PLD1: variants seen among roughly 807,000 people sequenced by gnomAD.
The protein encoded by PLD1 is phospholipase D1, also known as choline phosphatase 1.
PLD1 carries 112 observed loss-of-function variants against 137.1 expected under a neutral mutation model. The observed-to-expected ratio is 0.82, with a 90% CI of 0.70 to 0.96. The LOEUF is 0.96. Ranked by LOEUF, PLD1 falls within the 40% of genes least tolerant of loss-of-function variation. The pLI is 0.00. For synonymous variants in PLD1, 431 were observed against 454.7 expected (o/e 0.95, Z 0.66); for missense variants, 1,321 against 1,342.0 (o/e 0.98, Z 0.24).
chr3:171,763,285 G>A (rs979568854), intron 1 of PLD1, among the ~76,000 whole-genome samples: 15 of 151,516 alleles, frequency 9.9e-5, no homozygotes, highest in Non-Finnish European at 1.9e-4. Flanking sequence ...GACCAGGCAT[G>A]GTGGCTCACA....
rs1429695279 is a variant in PLD1 at position 171,602,989 on chromosome 3, G to C, written c.*89C>G. 1.3e-5 allele frequency: 12 copies of C among 925,412 alleles called. No individual in the cohort carries two copies. The highest frequency in any genetic ancestry group is 2.6e-4 in the Middle Eastern group (1 of 3,876). 57.3% of individuals were successfully genotyped at this position (925,412 alleles called of 1,614,324 possible). A position where few individuals can be genotyped will look rare whatever the true frequency, so the allele number is the denominator to read the frequency against. The stretch of plus-strand genomic sequence containing the variant: ...TGGGTTGGATACGAGAATGCGTCAG[G>C]CCTGGCTTTGGCTATGACATCCCCA... On this transcript the variant is annotated 3_prime_UTR_variant, in exon 27 of 27. Transcript: ENST00000351298.
chr3:171,695,128 G>T (rs931605449), intron 12 of PLD1, among the ~76,000 whole-genome samples: 1 of 152,094 alleles, frequency 6.6e-6, no homozygotes, highest in South Asian at 2.1e-4. Flanking sequence ...GGGCAAAGGC[G>T]AATGAATCAT....
intron 16 of PLD1, among the ~76,000 whole-genome samples, chr3:171,685,009 C>G (rs1030217193): frequency 6.6e-6 from 1 of 152,212 alleles, no homozygotes; most frequent in Non-Finnish European, 1.5e-5. Flanking sequence ...TAAAATGCAG[C>G]GTAGCTGGAC....
intron 21 of PLD1, among the ~76,000 whole-genome samples, chr3:171,650,984 T>C (rs777621838): frequency 2.2e-4 from 33 of 152,310 alleles, no homozygotes; most frequent in Middle Eastern, 3.4e-3. Context: ...GAATGTACCA[T>C]GTAGATGGGT....
chr3:171,687,156 T>C (rs546374559), intron 15 of PLD1, among the ~76,000 whole-genome samples: 1 of 152,372 alleles, frequency 6.6e-6, no homozygotes, highest in East Asian at 1.9e-4. Flanking sequence ...GTGGTCGTTA[T>C]GACTTTTGTG....
In PLD1 at chr3:171,602,780, C is replaced by T; in HGVS notation, c.*298G>A. ...CACAGTTACTGGTAAATTCTTGTTACAAAGGAAATGGATTTTGGTATACGG... is the reference window on the plus strand; with the variant it reads ...CACAGTTACTGGTAAATTCTTGTTATAAAGGAAATGGATTTTGGTATACGG... On this transcript the variant is annotated 3_prime_UTR_variant, in exon 27 of 27. Coordinates refer to ENST00000351298, the MANE Select transcript of PLD1 (RefSeq NM_002662.5). 3.0e-6 allele frequency: 1 copy of T among 334,540 alleles called. No individual in the cohort carries two copies. The highest frequency in any genetic ancestry group is 5.5e-6 in the Non-Finnish European group (1 of 181,536). 20.7% of individuals were successfully genotyped at this position (334,540 alleles called of 1,614,324 possible).
chr3:171,746,074 C>T (rs934705422), intron 1 of PLD1, among the ~76,000 whole-genome samples: 9 of 152,304 alleles, frequency 5.9e-5, no homozygotes, highest in South Asian at 2.1e-4. Context: ...ACTGCCGGCC[C>T]GCCCCACTGC....
intron 20 of PLD1, among the ~76,000 whole-genome samples, chr3:171,661,630 C>T (rs1711518966): frequency 6.6e-6 from 1 of 152,206 alleles, no homozygotes; most frequent in South Asian, 2.1e-4. Flanking sequence ...CCTGCACTCT[C>T]CCTACTCCGC....
intron 18 of PLD1, among the ~76,000 whole-genome samples, chr3:171,676,322 ATCCAACTGGATGGGACTT>A (rs1713345181): frequency 1.3e-5 from 2 of 152,068 alleles, no homozygotes; most frequent in Admixed American, 6.5e-5. Flanking sequence ...TTCCAGTCCC[ATCCAACTGGATGGGACTT>A]TAAAGCTCAA....
chr3:171,611,234 A>G (rs141612650), intron 25 of PLD1, among the ~76,000 whole-genome samples: 5 of 152,244 alleles, frequency 3.3e-5, no homozygotes, highest in African/African-American at 9.6e-5. Flanking sequence ...ACTTCCTACA[A>G]AGGCCTAGAG....
chr3:171,764,949 A>AGAAAGGAAG (rs1721838499), intron 1 of PLD1, among the ~76,000 whole-genome samples: 2 of 35,624 alleles, frequency 5.6e-5, no homozygotes, highest in African/African-American at 1.6e-4. Flanking sequence ...AAAGAAAGAA[A>AGAAAGGAAG]GAAAGAAAGA....
chr3:171,792,820 TG>T (rs1299971788), intron 1 of PLD1: 1 of 421,092 alleles, frequency 2.4e-6, no homozygotes, highest in Non-Finnish European at 4.8e-6. Flanking sequence ...TGACTCCTTT[TG>T]GCATAAATCC....
chr3:171,746,945 C>G (rs756766260), intron 1 of PLD1, among the ~76,000 whole-genome samples: 1 of 152,206 alleles, frequency 6.6e-6, no homozygotes, highest in Non-Finnish European at 1.5e-5. Context: ...GGCTTTGGGT[C>G]TGCACTGCTT....
At chr3:171,798,464 T>C (rs2108356932) in intron 1 of PLD1, among the ~76,000 whole-genome samples, 1 of 152,214 alleles carries the variant, frequency 6.6e-6, no homozygotes, top group Non-Finnish European at 1.5e-5. Flanking sequence ...TTAAGTGCTA[T>C]GACTTAGAGA....
chr3:171,792,272 TCTCACAGCCCAGC>T (rs1398914827), intron 1 of PLD1: 2 of 243,988 alleles, frequency 8.2e-6, no homozygotes, highest in African/African-American at 2.3e-5. Context: ...TCTTTCCCTG[TCTCACAGCCCAGC>T]CACATATGCA....
At chr3:171,764,876 A>G (rs777099914) in intron 1 of PLD1, among the ~76,000 whole-genome samples, 821 of 25,250 alleles carry the variant, frequency 0.033, 78 homozygotes, top group Middle Eastern at 0.11. Flanking sequence ...AGAAAGAAAG[A>G]AAGAAAGAAA....
intron 1 of PLD1, among the ~76,000 whole-genome samples, chr3:171,752,012 A>C (rs1040190855): frequency 1.6e-4 from 24 of 152,176 alleles, no homozygotes; most frequent in Non-Finnish European, 3.1e-4. Flanking sequence ...CAAAAAAAAA[A>C]AAAAAGAAAG....
chr3:171,797,163 G>C (rs1723467491), intron 1 of PLD1, among the ~76,000 whole-genome samples: 1 of 152,044 alleles, frequency 6.6e-6, no homozygotes, highest in African/African-American at 2.4e-5. Flanking sequence ...CCCAACAGTA[G>C]AGTGTCATCT....
At position 171,686,725 on chromosome 3, in the gene PLD1, C is replaced by G; in HGVS notation, c.1827G>C (p.Pro609=). The G allele has an allele frequency of 2.5e-6, 4 of 1,608,636 alleles. No homozygotes were observed. Among genetic ancestry groups the G allele is most frequent in the Non-Finnish European group, 3.4e-6 (4 of 1,175,340 alleles). The change falls in exon 16 of 27, where the codon CCG becomes CCC. Residue 609 remains proline (P), a synonymous_variant. Transcript: ENST00000351298. The part of the protein sequence containing the change: ...GLKPHFKLFH[P]SSESEQGLTR... ...TGAGTCCTTGCTCAGACTCACTGGA[C>G]GGGTGAAAGAGTTTGAAGTGGGGTT...
Sources: allele counts gnomAD v4.1 joint callset (sites outside exome capture counted in the v4.1 genomes callset), GRCh38; gene constraint gnomAD v4.1.1; transcripts MANE v1.5; gene names NCBI Gene and HGNC (gene_info 2026-07-23, HGNC 2026-07-21).